Variants in ARPC1A observed in about 807,000 individuals in gnomAD.
ARPC1A encodes actin related protein 2/3 complex subunit 1A.
A neutral mutation model predicts 46.9 loss-of-function variants in ARPC1A; 8 were observed. That is an observed-to-expected ratio of 0.17 (90% confidence interval 0.10 to 0.31). The LOEUF (loss-of-function observed/expected upper bound fraction) is 0.31, where lower values mean the gene tolerates loss of function less well. Among genes scored for constraint, ARPC1A ranks in the 10% least tolerant of loss-of-function variants. The pLI is 1.00. For missense variants in ARPC1A, 286 were observed against 483.6 expected (o/e 0.59, Z 3.83); for synonymous variants, 152 against 169.0 (o/e 0.90, Z 0.78).
intron 5 of ARPC1A, among the ~76,000 whole-genome samples, chr7:99,353,103 TTTAGTTTAGTTTATG>T (rs1447562839): frequency 4.2e-5 from 6 of 141,638 alleles, no homozygotes; most frequent in Admixed American, 1.4e-4. Flanking sequence ...TTTAGTTTAG[TTTAGTTTAGTTTATG>T]TTATGTTATG....
At position 99,363,613 on chromosome 7, in the gene ARPC1A, A is replaced by G. The variant is rs987326157; in HGVS notation, c.1054A>G (p.Met352Val). The change falls in exon 9 of 10, where the codon ATG becomes GTG. Residue 352 changes from methionine (M) to valine (V), a missense_variant. Transcript: ENST00000262942. ...TTGCACTACTGGCATCGATGGAGCC[A>G]TGACAATTTGGGATTTCAAGGTATT... ...KFCTTGIDGA[M>V]TIWDFKTLES... is the part of the protein sequence containing the mutation. 6.2e-7 allele frequency: 1 copy of G among 1,610,942 alleles called. No individual in the cohort carries two copies. The highest frequency in any genetic ancestry group is 8.5e-7 in the Non-Finnish European group (1 of 1,179,280).
chr7:99,346,429 C>G (rs1793453355), intron 4 of ARPC1A, among the ~76,000 whole-genome samples: 1 of 152,166 alleles, frequency 6.6e-6, no homozygotes, highest in Non-Finnish European at 1.5e-5. Context: ...GGAAACTTTT[C>G]TTCCAAGTTA....
chr7:99,357,569 T>C (rs1793661661), intron 6 of ARPC1A, among the ~76,000 whole-genome samples: 1 of 151,776 alleles, frequency 6.6e-6, no homozygotes, highest in South Asian at 2.1e-4. Context: ...CCTCCAGCAA[T>C]CCTTCCACCT....
At chr7:99,331,444 A>T (rs1037641507) in intron 1 of ARPC1A, among the ~76,000 whole-genome samples, 1 of 151,920 alleles carries the variant, frequency 6.6e-6, no homozygotes, top group African/African-American at 2.4e-5. Context: ...AGACATCATG[A>T]TACTTCATCC....
intron 8 of ARPC1A, among the ~76,000 whole-genome samples, chr7:99,362,209 G>A (rs973636607): frequency 2.6e-5 from 4 of 151,692 alleles, no homozygotes; most frequent in South Asian, 2.1e-4. Flanking sequence ...CAGGAGAATC[G>A]CTTGAACCTG....
rs1793588673 is a variant in ARPC1A at position 99,353,894 on chromosome 7, C to T, written c.501-15C>T. 1 of 1,611,682 alleles carries T rather than the reference C, an allele frequency of 6.2e-7. No homozygotes were observed. The highest frequency in any genetic ancestry group is 1.7e-4 in the Middle Eastern group (1 of 6,052). On this transcript the variant is annotated splice_polypyrimidine_tract_variant and intron_variant, in intron 5 of 9. Coordinates refer to ENST00000262942, the MANE Select transcript of ARPC1A (RefSeq NM_006409.4). The stretch of plus-strand genomic sequence containing the variant: ...TTTCATTTGCTTTTTCCTTTTCTCT[C>T]TGCCCTTTAAACAGAGTGTTTTCTG...
At chr7:99,339,878 AG>A in intron 3 of ARPC1A, 1 of 428,976 alleles carries the variant, frequency 2.3e-6, no homozygotes, top group Non-Finnish European at 4.9e-6. Context: ...TCTGCAGTGC[AG>A]TGTTGCCAGG....
chr7:99,342,111 C>T (rs1167915445), intron 3 of ARPC1A, among the ~76,000 whole-genome samples: 2 of 152,172 alleles, frequency 1.3e-5, no homozygotes, highest in African/African-American at 2.4e-5. Flanking sequence ...CTTTTATACC[C>T]ATCACCTGCA....
chr7:99,364,744 A>G (rs1298115533), intron 9 of ARPC1A, among the ~76,000 whole-genome samples: 1 of 152,190 alleles, frequency 6.6e-6, no homozygotes, highest in Non-Finnish European at 1.5e-5. Context: ...ATATATTTAT[A>G]GCTGACACTA....
chr7:99,335,885 C>T (rs1047187335), intron 2 of ARPC1A, among the ~76,000 whole-genome samples: 10 of 150,906 alleles, frequency 6.6e-5, no homozygotes, highest in South Asian at 2.2e-4. Context: ...ACCTGGGAGG[C>T]GGAGCTTGCA....
chr7:99,328,400 A>C (rs954454784), intron 1 of ARPC1A, among the ~76,000 whole-genome samples: 13 of 152,218 alleles, frequency 8.5e-5, no homozygotes, highest in African/African-American at 3.1e-4. Flanking sequence ...TCAAAGGGAG[A>C]AAGGGAACCT....
At chr7:99,365,615 T>TAAAA (rs3052172) in intron 9 of ARPC1A, among the ~76,000 whole-genome samples, 52 of 138,204 alleles carry the variant, frequency 3.8e-4, no homozygotes, top group Non-Finnish European at 2.2e-4. Context: ...ACCCTATCTT[T>TAAAA]AAAAAAAAAA....
intron 3 of ARPC1A, among the ~76,000 whole-genome samples, chr7:99,338,580 T>C: frequency 6.6e-6 from 1 of 151,800 alleles, no homozygotes; most frequent in East Asian, 1.9e-4. Flanking sequence ...AGAGATAGGT[T>C]TCACCATGTT....
intron 3 of ARPC1A, chr7:99,339,890 CCT>C (rs2150862966): frequency 1.1e-5 from 5 of 437,374 alleles, no homozygotes; most frequent in South Asian, 6.3e-5. Flanking sequence ...TGTTGCCAGG[CCT>C]CATCAGATTG....
chr7:99,328,758 T>C (rs750850616), intron 1 of ARPC1A, among the ~76,000 whole-genome samples: 1 of 152,052 alleles, frequency 6.6e-6, no homozygotes, highest in Non-Finnish European at 1.5e-5. Flanking sequence ...GAGACCAGCC[T>C]GGACAACATA....
intron 8 of ARPC1A, chr7:99,360,177 T>C (rs985752507): frequency 6.1e-5 from 12 of 195,226 alleles, no homozygotes; most frequent in Admixed American, 2.6e-4. Context: ...TCGTTTCAAG[T>C]AATGGATACA....
chr7:99,327,176 G>A (rs1793061061), intron 1 of ARPC1A, among the ~76,000 whole-genome samples: 1 of 151,462 alleles, frequency 6.6e-6, no homozygotes, highest in African/African-American at 2.4e-5. Flanking sequence ...GTGGGTAACT[G>A]TGGTTGTTGT....
intron 6 of ARPC1A, among the ~76,000 whole-genome samples, chr7:99,358,077 G>A (rs940449844): frequency 2.6e-5 from 4 of 152,216 alleles, no homozygotes; most frequent in Non-Finnish European, 5.9e-5. Context: ...CTGTGCTGGG[G>A]GTGGAAGGGC....
chr7:99,349,853 A>T (rs1051243897), intron 5 of ARPC1A, among the ~76,000 whole-genome samples: 1 of 151,574 alleles, frequency 6.6e-6, no homozygotes, highest in African/African-American at 2.4e-5. Flanking sequence ...ATAAATAAAT[A>T]AATAAAAGTT....
Sources: gnomAD v4.1 joint callset for allele counts (sites outside exome capture counted in the v4.1 genomes callset) on GRCh38, gnomAD v4.1.1 for gene constraint, MANE v1.5 for transcripts, NCBI Gene and HGNC (gene_info 2026-07-23, HGNC 2026-07-21) for gene names.